The following TMPRSS6 variants were observed in gnomAD, a reference collection of about 807,000 sequenced individuals.
The protein encoded by TMPRSS6 is transmembrane serine protease 6.
A neutral mutation model predicts 101.5 loss-of-function variants in TMPRSS6; 67 were observed. That is an observed-to-expected ratio of 0.66 (90% CI 0.54 to 0.81). The LOEUF is 0.81. Ranked by LOEUF, TMPRSS6 falls within the 30% of genes least tolerant of loss-of-function variation. The pLI, the probability that TMPRSS6 is intolerant of heterozygous loss-of-function variation, is 0.00. For missense variants in TMPRSS6, 1,034 were observed against 1,088.7 expected (o/e 0.95, Z 0.71); for synonymous variants, 453 against 464.9 (o/e 0.97, Z 0.33).
intron 14 of TMPRSS6, 95 bp from the exon 15 acceptor site, chr22:37,070,747 G>A (rs1926820003): frequency 7.0e-7 from 1 of 1,419,942 alleles, no homozygotes; most frequent in Admixed American, 1.7e-5. Context: ...TGGAGAGACA[G>A]AGAACAGGAG....
At chr22:37,082,732 A>T in intron 10 of TMPRSS6, 1 of 353,892 alleles carries the variant, frequency 2.8e-6, no homozygotes, top group South Asian at 2.2e-5. Flanking sequence ...CCATCAGCAT[A>T]TCACCACCAA....
Position 37,103,343 on chromosome 22 carries a change from C to T in TMPRSS6, c.75G>A (p.Glu25=), listed in dbSNP as rs1269339139. Residue 25 remains glutamate (E), a synonymous_variant, in exon 2 of 18, where the codon GAG becomes GAA. Coordinates refer to ENST00000676104, the MANE Select transcript of TMPRSS6 (RefSeq NM_001374504.1). The surrounding 1 kb of genome is among the most constrained non-coding windows in gnomAD (Gnocchi z 4.4). The stretch of plus-strand genomic sequence containing the variant: ...AGTCCTCACAGGCCTTGAACATCCC[C>T]TCCGGCTCCGCTTCCTCGCCATCAC... The part of the protein sequence containing the change: ...DGGDGEEAEP[E]GMFKACEDSK... The T allele has an allele frequency of 2.5e-6, 4 of 1,614,100 alleles. No individual in the cohort carries two copies. In the African/African-American group the frequency reaches 4.0e-5, roughly 16 times the overall value.
At position 37,069,291 on chromosome 22, in the gene TMPRSS6, G is replaced by A. The variant is rs972671841; in HGVS notation, c.1895C>T (p.Ser632Leu). Reference protein sequence around the residue: ...TVFLGKVWQNSRWPGEVSFKV... With the variant: ...TVFLGKVWQNLRWPGEVSFKV... ...GAAGGACACCTCTCCAGGCCAGCGC[G>A]AGTTCTGCCACACCTTGCCCAGGAA... The change falls in exon 16 of 18, where the codon TCG becomes TTG. Residue 632 changes from serine to leucine, a missense_variant. Coordinates refer to ENST00000676104, the MANE Select transcript of TMPRSS6 (RefSeq NM_001374504.1). The surrounding 1 kb of genome is among the most constrained non-coding windows in gnomAD (Gnocchi z 4.8). 4 of 1,542,420 alleles carry A rather than the reference G, an allele frequency of 2.6e-6. No homozygotes were observed. Among genetic ancestry groups the A allele is most frequent in the Non-Finnish European group, 3.5e-6 (4 of 1,134,042 alleles).
chr22:37,069,352 G>T lies in TMPRSS6; in HGVS notation c.1842-8C>A. 1 of 1,459,106 alleles carries T rather than the reference G, an allele frequency of 6.9e-7. No homozygotes were observed. Among genetic ancestry groups the T allele is most frequent in the Non-Finnish European group, 9.3e-7 (1 of 1,078,768 alleles). 90.4% of individuals were successfully genotyped at this position (1,459,106 alleles called of 1,614,324 possible). On this transcript the variant is annotated splice_region_variant and splice_polypyrimidine_tract_variant and intron_variant, in intron 15 of 17. Transcript: ENST00000676104. This position sits in a 1 kb window ranked among gnomAD's most constrained non-coding sequence, Gnocchi z 4.8. Reference sequence around the variant, plus strand: ...AGCACCGTGGAGGCCATGCTGGGGTGGGGTGGGGTGGGGTGGGGTGGGGTG... The same window carrying T: ...AGCACCGTGGAGGCCATGCTGGGGTTGGGTGGGGTGGGGTGGGGTGGGGTG...
intron 10 of TMPRSS6, among the ~76,000 whole-genome samples, chr22:37,077,876 G>A (rs1054245227): frequency 3.3e-5 from 5 of 152,146 alleles, no homozygotes; most frequent in African/African-American, 7.2e-5. Context: ...GTCATTTTGC[G>A]GAGAGTGACT....
intron 7 of TMPRSS6, among the ~76,000 whole-genome samples, chr22:37,087,418 C>CA (rs1315973168): frequency 2.0e-5 from 3 of 152,222 alleles, no homozygotes; most frequent in Non-Finnish European, 4.4e-5. Flanking sequence ...AGCACAGCCT[C>CA]AAAATCGCTA....
intron 10 of TMPRSS6, chr22:37,082,478 G>C (rs1928345297): frequency 1.2e-5 from 2 of 161,394 alleles, no homozygotes; most frequent in Admixed American, 5.6e-5. Context: ...ATCATTCGCA[G>C]AACTGTGAAT....
At chr22:37,084,472 A>G (rs1336057369) in intron 9 of TMPRSS6, 68 bp from the exon 10 acceptor site, 1 of 1,144,228 alleles carries the variant, frequency 8.7e-7, no homozygotes, top group East Asian at 2.5e-5. Context: ...CCACCTCCCT[A>G]ACAACAAAGA....
Position 37,066,962 on chromosome 22 carries a change from C to T in TMPRSS6, c.2114G>A (p.Gly705Asp), listed in dbSNP as rs907753641. 1 of 1,614,172 alleles carries T rather than the reference C, an allele frequency of 6.2e-7. No individual in the cohort carries two copies. Among genetic ancestry groups the T allele is most frequent in the Non-Finnish European group, 8.5e-7 (1 of 1,180,028 alleles). ...TTTCTGCAGAGCGTTGCTGATGGGG[C>T]CTGTCCGTGGTCAAGGGCAGAAGTG... ...ITGWGALREG[G>D]PISNALQKVD... The change falls in exon 17 of 18, where the codon GGC becomes GAC. Residue 705 changes from glycine to aspartate, a missense_variant and splice_region_variant. Physicochemically the swap from Gly to Asp is moderately conservative, Grantham distance 94. Transcript: ENST00000676104.
intron 3 of TMPRSS6, among the ~76,000 whole-genome samples, chr22:37,097,781 G>GGGCGGGCC (rs1929918410): frequency 8.4e-6 from 1 of 118,970 alleles, no homozygotes. Flanking sequence ...GGAGGGGCAG[G>GGGCGGGCC]AGTGGGCCAC....
chr22:37,094,407 A>ATAGG (rs889258553), intron 6 of TMPRSS6, among the ~76,000 whole-genome samples: 1 of 150,272 alleles, frequency 6.7e-6, no homozygotes, highest in African/African-American at 2.5e-5. Context: ...AGATAGATAG[A>ATAGG]TAGATAGATA....
At chr22:37,072,358 T>TG (rs1190505911) in intron 13 of TMPRSS6, among the ~76,000 whole-genome samples, 1 of 131,574 alleles carries the variant, frequency 7.6e-6, no homozygotes, top group Non-Finnish European at 1.6e-5. Flanking sequence ...GATGGATGGA[T>TG]GATGGATGGG....
In TMPRSS6 at chr22:37,070,973, T is replaced by C; in HGVS notation, c.1615A>G (p.Asn539Asp). ...TCGGGCCGCCCATCACACTGCGGGT[T>C]GGGCTTCTTCACGCAGCTCCGGTCC... is the stretch of plus-strand genomic sequence containing the variant. ...CEDRSCVKKP[N>D]PQCDGRPDCR... Residue 539 changes from asparagine (N) to aspartate (D), a missense_variant, in exon 14 of 18, where the codon AAC (asparagine) becomes GAC (aspartate). Transcript: ENST00000676104. 1 of 1,613,392 alleles carries C rather than the reference T, an allele frequency of 6.2e-7. No individual in the cohort carries two copies. The highest frequency in any genetic ancestry group is 8.5e-7 in the Non-Finnish European group (1 of 1,179,984).
In TMPRSS6 at chr22:37,084,775, G is replaced by T. The variant is rs137853121; in HGVS notation, c.1038C>A (p.Tyr346Ter). 8 of 1,567,206 alleles carry T rather than the reference G, an allele frequency of 5.1e-6. No homozygotes were observed. The highest frequency in any genetic ancestry group is 2.7e-5 in the African/African-American group (2 of 74,192). The change falls in exon 9 of 18, where the codon TAC becomes TAA. Residue 346 changes from tyrosine to a stop codon, truncating the protein, a stop_gained. Transcript: ENST00000676104. LOFTEE classifies it high-confidence loss of function. ...TTTGGGGCGAGTAGTAGCTGGGGAAGTACGGGGTGCTGAGGACGCCCTGGG... is the reference window on the plus strand; with the variant it reads ...TTTGGGGCGAGTAGTAGCTGGGGAATTACGGGGTGCTGAGGACGCCCTGGG... The part of the protein sequence containing the change: ...LDSQGVLSTP[Y>*]FPSYYSPQTH...
intron 10 of TMPRSS6, among the ~76,000 whole-genome samples, chr22:37,083,698 C>T (rs1455891542): frequency 6.6e-6 from 1 of 152,232 alleles, no homozygotes; most frequent in Non-Finnish European, 1.5e-5. Flanking sequence ...GTCTCTTGCT[C>T]ACATCTCTGT....
chr22:37,070,761 G>T, intron 14 of TMPRSS6, 109 bp from the exon 15 acceptor site: 1 of 1,364,896 alleles, frequency 7.3e-7, no homozygotes. Flanking sequence ...ACAGGAGAAT[G>T]ATGGAGGGGG....
intron 10 of TMPRSS6, among the ~76,000 whole-genome samples, chr22:37,078,973 A>AAAGAAAG (rs1928005374): frequency 9.4e-6 from 1 of 106,510 alleles, no homozygotes; most frequent in Non-Finnish European, 1.9e-5. Flanking sequence ...GAAAGAAAGA[A>AAAGAAAG]AAAGAAAGAA....
At chr22:37,094,430 T>G (rs1040635216) in intron 6 of TMPRSS6, among the ~76,000 whole-genome samples, 4 of 127,148 alleles carry the variant, frequency 3.1e-5, no homozygotes, top group Admixed American at 2.4e-4. Context: ...TAGATAGATA[T>G]AAACAGACAG....
intron 10 of TMPRSS6, chr22:37,083,134 A>G (rs748866544): frequency 4.3e-6 from 2 of 462,708 alleles, no homozygotes; most frequent in South Asian, 1.6e-5. Context: ...CTCTGAACCC[A>G]TTAGGCCCCC....
Sources: allele counts gnomAD v4.1 joint callset (sites outside exome capture counted in the v4.1 genomes callset), GRCh38; gene constraint gnomAD v4.1.1; non-coding constraint Gnocchi (gnomAD v3.1); transcripts MANE v1.5; gene names NCBI Gene and HGNC (gene_info 2026-07-23, HGNC 2026-07-21).